The following GARNL3 variants were observed in gnomAD, a reference collection of about 807,000 sequenced individuals.
GARNL3 encodes GTPase activating Rap/RanGAP domain like 3.
In GARNL3, 63 loss-of-function variants were observed where a neutral mutation model predicts 125.0. The ratio of observed to expected loss-of-function variants is 0.50; its 90% CI spans 0.41 to 0.62. GARNL3 has a LOEUF of 0.62. Among genes scored for constraint, GARNL3 ranks in the 20% least tolerant of loss-of-function variants. The pLI, the probability that GARNL3 is intolerant of heterozygous loss-of-function variation, is 0.00. For synonymous variants in GARNL3, 439 were observed against 457.5 expected (o/e 0.96, Z 0.52); for missense variants, 994 against 1,244.0 (o/e 0.80, Z 3.02).
At chr9:127,311,235 GAA>G (rs201464858) in intron 2 of GARNL3, among the ~76,000 whole-genome samples, 1 of 144,894 alleles carries the variant, frequency 6.9e-6, no homozygotes. Flanking sequence ...TATGCATGGG[GAA>G]AAAAAAAAAC....
intron 21 of GARNL3, 142 bp from the exon 22 acceptor site, chr9:127,365,158 T>C (rs1016240653): frequency 2.9e-6 from 2 of 678,454 alleles, no homozygotes; most frequent in Non-Finnish European, 2.7e-6. Context: ...ATGTGCATTG[T>C]GGGTGCTGGT....
At chr9:127,374,566 C>G (rs1564191202) in intron 22 of GARNL3, among the ~76,000 whole-genome samples, 1 of 152,000 alleles carries the variant, frequency 6.6e-6, no homozygotes, top group Non-Finnish European at 1.5e-5. Flanking sequence ...AATGAAAAGG[C>G]AAGGCACAGA....
intron 2 of GARNL3, among the ~76,000 whole-genome samples, chr9:127,249,704 A>G (rs2063366138): frequency 6.6e-6 from 1 of 152,096 alleles, no homozygotes; most frequent in Admixed American, 6.6e-5. Flanking sequence ...ATGTCTACTC[A>G]ATATAAGAAA....
intron 1 of GARNL3, among the ~76,000 whole-genome samples, chr9:127,283,220 G>A (rs1362822412): frequency 6.6e-6 from 1 of 152,128 alleles, no homozygotes; most frequent in Non-Finnish European, 1.5e-5. Context: ...ATAAAAATAT[G>A]TATAATTGGA....
intron 22 of GARNL3, among the ~76,000 whole-genome samples, chr9:127,381,745 C>T (rs1047020857): frequency 1.3e-5 from 2 of 148,722 alleles, no homozygotes; most frequent in African/African-American, 2.5e-5. Context: ...TACAGGCGCC[C>T]GCCACCACGC....
intron 22 of GARNL3, among the ~76,000 whole-genome samples, chr9:127,382,188 T>G (rs1428006880): frequency 6.6e-6 from 1 of 151,914 alleles, no homozygotes; most frequent in African/African-American, 2.4e-5. Context: ...TAGTCCCAGC[T>G]ACTTGGGAGG....
chr9:127,314,948 C>T (rs986089809), intron 4 of GARNL3, among the ~76,000 whole-genome samples: 3 of 152,216 alleles, frequency 2.0e-5, no homozygotes, highest in African/African-American at 7.2e-5. Flanking sequence ...AGAGAGTGTT[C>T]CAGGTAGAAG....
chr9:127,350,005 C>T (rs1830342456), intron 17 of GARNL3, among the ~76,000 whole-genome samples: 1 of 152,166 alleles, frequency 6.6e-6, no homozygotes, highest in Non-Finnish European at 1.5e-5. Flanking sequence ...CTGCTGTGTG[C>T]CGGGGCCCCA....
chr9:127,298,384 G>A (rs1401173460), intron 2 of GARNL3, among the ~76,000 whole-genome samples: 2 of 151,964 alleles, frequency 1.3e-5, no homozygotes, highest in African/African-American at 4.8e-5. Flanking sequence ...TCACCATGTT[G>A]GCCAAGCTGG....
Position 127,383,457 on chromosome 9 carries a change from G to C in GARNL3, c.2181G>C (p.Lys727Asn). 6.2e-7 allele frequency: 1 copy of C among 1,611,908 alleles called. No homozygotes were observed. Among genetic ancestry groups the C allele is most frequent in the Admixed American group, 1.7e-5 (1 of 59,742 alleles). The change falls in exon 23 of 28, where the codon AAG becomes AAC. Residue 727 changes from lysine (K) to asparagine (N), a missense_variant. This residue lies in a region of GARNL3 where 728 missense variants were observed against 865.7 expected (regional missense o/e 0.84). Transcript: ENST00000373387. ...TTGCAGACAGTTGCATCTATAAAAA[G>C]GTTTGCCCCTTTAATGGTGGCTCTT... ...LCYNYSCIYK[K>N]VCPFNGGSFL...
At chr9:127,383,040 G>A (rs1179393362) in intron 22 of GARNL3, among the ~76,000 whole-genome samples, 6 of 152,190 alleles carry the variant, frequency 3.9e-5, no homozygotes, top group Non-Finnish European at 7.3e-5. Context: ...GCAGACCTGT[G>A]TTCAAACCCT....
intron 1 of GARNL3, among the ~76,000 whole-genome samples, chr9:127,273,887 C>T (rs1470884481): frequency 6.6e-6 from 1 of 152,146 alleles, no homozygotes; most frequent in African/African-American, 2.4e-5. Context: ...AAGCTCCGAA[C>T]TCCATTTGTG....
intron 14 of GARNL3, among the ~76,000 whole-genome samples, chr9:127,343,190 C>T (rs1177524612): frequency 3.3e-5 from 5 of 152,056 alleles, no homozygotes; most frequent in Non-Finnish European, 5.9e-5. Flanking sequence ...TGAGTCACTG[C>T]GCCCGGCCGA....
intron 17 of GARNL3, chr9:127,353,491 T>G (rs1252363103): frequency 5.8e-6 from 1 of 172,494 alleles, no homozygotes; most frequent in Non-Finnish European, 1.2e-5. Context: ...CTTTTTTTTT[T>G]TTTTTTAACT....
Position 127,384,827 on chromosome 9 carries a change from G to A in GARNL3, c.2270-200G>A, listed in dbSNP as rs1832456275. The stretch of plus-strand genomic sequence containing the variant: ...GCACACCTCCTGGGAGGCGCAGTGT[G>A]GCAACCGAGGGGAGGCTGTCTTGGG... On this transcript the variant is annotated intron_variant, in intron 23 of 27. Coordinates refer to ENST00000373387, the MANE Select transcript of GARNL3 (RefSeq NM_032293.5). This position sits in a 1 kb window ranked among gnomAD's most constrained non-coding sequence, Gnocchi z 4.0. Among the ~76,000 whole-genome samples, 1 of 152,206 alleles carries A rather than the reference G, an allele frequency of 6.6e-6. No individual in the cohort carries two copies. The highest frequency in any genetic ancestry group is 1.5e-5 in the Non-Finnish European group (1 of 68,034).
intron 1 of GARNL3, among the ~76,000 whole-genome samples, chr9:127,284,558 A>G (rs550126621): frequency 6.6e-6 from 1 of 151,084 alleles, no homozygotes; most frequent in African/African-American, 2.4e-5. Context: ...TTCTTTTTTT[A>G]TCTTCTAGTG....
chr9:127,313,455 A>G lies in GARNL3; in HGVS notation c.334A>G (p.Ile112Val), dbSNP rs2131474047. 1.2e-6 allele frequency: 2 copies of G among 1,613,534 alleles called. No homozygotes were observed. The highest frequency in any genetic ancestry group is 2.2e-5 in the East Asian group (1 of 44,874). Reference sequence around the variant, plus strand: ...TTCTTTTCCAGTCCATCAGAACTACATTGGAAACGATGCCGAGAAGAGCCC... The same window carrying G: ...TTCTTTTCCAGTCCATCAGAACTACGTTGGAAACGATGCCGAGAAGAGCCC... ...YFLGQVHQNY[I>V]GNDAEKSPFF... The change falls in exon 4 of 28, where the codon ATT (isoleucine) becomes GTT (valine). Residue 112 changes from isoleucine to valine, a missense_variant. Around this residue, in one of 5 missense-constraint regions of GARNL3, gnomAD observed 139 missense variants for 231.6 expected, o/e 0.60. Transcript: ENST00000373387.
intron 1 of GARNL3, among the ~76,000 whole-genome samples, chr9:127,274,911 T>A (rs1217270595): frequency 6.6e-6 from 1 of 152,122 alleles, no homozygotes; most frequent in African/African-American, 2.4e-5. Flanking sequence ...ACACACAGAC[T>A]TTCTTGGTGT....
intron 4 of GARNL3, among the ~76,000 whole-genome samples, chr9:127,315,927 C>T (rs1222531009): frequency 6.6e-6 from 1 of 152,290 alleles, no homozygotes; most frequent in East Asian, 1.9e-4. Flanking sequence ...GGGTAATCTT[C>T]GATGTGCACT....
Sources: gnomAD v4.1 joint callset for allele counts (sites outside exome capture counted in the v4.1 genomes callset) on GRCh38, gnomAD v4.1.1 for gene constraint, gnomAD v4.1.1 regional missense constraint, Gnocchi (gnomAD v3.1) non-coding constraint, MANE v1.5 for transcripts, NCBI Gene and HGNC (gene_info 2026-07-23, HGNC 2026-07-21) for gene names.